CSMD1: variants seen among roughly 807,000 people sequenced by gnomAD.
The protein encoded by CSMD1 is CUB and sushi domain-containing protein 1.
CSMD1 carries 213 observed loss-of-function variants against 417.5 expected under a neutral mutation model. That is an observed-to-expected ratio of 0.51 (90% CI 0.46 to 0.57). The LOEUF is 0.57. Ranked by LOEUF, CSMD1 falls within the 20% of genes least tolerant of loss-of-function variation. The probability of loss-of-function intolerance (pLI) is 0.00; values close to 1 mark genes in which losing one functional copy is unlikely to be tolerated. For synonymous variants in CSMD1, 2,862 were observed against 1,736.8 expected (o/e 1.65, Z -16.11); for missense variants, 6,923 against 4,529.7 (o/e 1.53, Z -15.17).
In CSMD1 at chr8:4,663,219, C is replaced by A. The variant is rs374754207; in HGVS notation, c.86-25661G>T. 1.3e-3 allele frequency among the ~76,000 whole-genome samples: 202 copies of A among 152,268 alleles called. 2 individuals carry two copies. Among genetic ancestry groups the A allele is most frequent in the African/African-American group, 3.7e-3 (152 of 41,550 alleles). The stretch of plus-strand genomic sequence containing the variant: ...GCAAGACAAGCCTGAGACACATTAT[C>A]CCAGCCCGATTTTTACTGCTGACTT... On this transcript the variant is annotated intron_variant, in intron 1 of 69. Transcript: ENST00000635120.
chr8:3,897,643 T>A (rs919816361), intron 5 of CSMD1, among the ~76,000 whole-genome samples: 7 of 152,054 alleles, frequency 4.6e-5, no homozygotes, highest in African/African-American at 1.7e-4. Context: ...GTAACACAAA[T>A]TATCACCATA....
intron 7 of CSMD1, among the ~76,000 whole-genome samples, chr8:3,625,613 G>A (rs1043808273): frequency 4.0e-5 from 6 of 151,872 alleles, no homozygotes; most frequent in African/African-American, 1.5e-4. Context: ...ATACATTTCA[G>A]CTTCTAATGC....
intron 5 of CSMD1, among the ~76,000 whole-genome samples, chr8:3,972,821 T>G (rs1412327652): frequency 1.1e-4 from 16 of 152,192 alleles, no homozygotes; most frequent in Admixed American, 1.0e-3. Context: ...TTTTGGATAT[T>G]CACACATATC....
intron 49 of CSMD1, among the ~76,000 whole-genome samples, chr8:3,055,719 G>C (rs1052622227): frequency 2.0e-5 from 3 of 152,140 alleles, no homozygotes; most frequent in Non-Finnish European, 4.4e-5. Context: ...GTTGTACTAA[G>C]GTATTATTAT....
At chr8:3,815,633 T>C (rs1412178796) in intron 5 of CSMD1, among the ~76,000 whole-genome samples, 2 of 151,682 alleles carry the variant, frequency 1.3e-5, no homozygotes, top group African/African-American at 2.4e-5. Flanking sequence ...TTTCTTTTTT[T>C]TTTTTTTTAA....
chr8:3,012,079 G>A (rs1808432022), intron 52 of CSMD1, among the ~76,000 whole-genome samples: 1 of 152,134 alleles, frequency 6.6e-6, no homozygotes, highest in South Asian at 2.1e-4. Flanking sequence ...CTGAACTCTG[G>A]GAGATCCCAG....
chr8:3,995,222 T>C (rs532036249), intron 5 of CSMD1, among the ~76,000 whole-genome samples: 32 of 152,360 alleles, frequency 2.1e-4, no homozygotes, highest in Middle Eastern at 3.4e-3. Flanking sequence ...TGTGCTCCTG[T>C]AGGTTTCCAT....
intron 8 of CSMD1, among the ~76,000 whole-genome samples, chr8:3,610,191 T>G (rs1367449306): frequency 1.3e-5 from 2 of 152,100 alleles, no homozygotes; most frequent in Non-Finnish European, 2.9e-5. Context: ...AGCTTCCATA[T>G]GAATACAATG....
intron 3 of CSMD1, among the ~76,000 whole-genome samples, chr8:4,408,896 A>T (rs1453766438): frequency 1.3e-5 from 2 of 152,220 alleles, no homozygotes; most frequent in Admixed American, 6.5e-5. Flanking sequence ...TTGATAGTAA[A>T]CCATCAACTT....
intron 1 of CSMD1, among the ~76,000 whole-genome samples, chr8:4,674,006 G>A (rs1416825940): frequency 6.6e-6 from 1 of 152,108 alleles, no homozygotes; most frequent in Non-Finnish European, 1.5e-5. Context: ...CTATACAGAG[G>A]CAAATCTTAC....
At chr8:3,902,128 G>T (rs958632717) in intron 5 of CSMD1, among the ~76,000 whole-genome samples, 6 of 152,074 alleles carry the variant, frequency 3.9e-5, no homozygotes, top group Admixed American at 1.3e-4. Context: ...TAATATGACA[G>T]AAGTAACACA....
At chr8:4,622,166 G>C (rs1469848536) in intron 2 of CSMD1, among the ~76,000 whole-genome samples, 1 of 139,510 alleles carries the variant, frequency 7.2e-6, no homozygotes, top group East Asian at 2.1e-4. Flanking sequence ...GAGGGGTAAA[G>C]AGAATTAAAA....
intron 1 of CSMD1, among the ~76,000 whole-genome samples, chr8:4,869,328 T>C (rs1021276507): frequency 6.6e-6 from 1 of 152,056 alleles, no homozygotes; most frequent in African/African-American, 2.4e-5. Flanking sequence ...GTTGTGTCTG[T>C]AGGGAAACTG....
chr8:4,308,401 A>ATGTG (rs944010714), intron 3 of CSMD1, among the ~76,000 whole-genome samples: 1 of 150,400 alleles, frequency 6.6e-6, no homozygotes, highest in African/African-American at 2.5e-5. Flanking sequence ...GTATTCGTGC[A>ATGTG]TGTGTGTGTG....
intron 2 of CSMD1, among the ~76,000 whole-genome samples, chr8:4,613,038 G>A (rs979449479): frequency 9.9e-5 from 15 of 152,142 alleles, no homozygotes; most frequent in Non-Finnish European, 2.1e-4. Context: ...GGGGGCTAGA[G>A]GAACTTGTTT....
rs146817993 is a variant in CSMD1 at position 4,897,367 on chromosome 8, G to A, written c.85+96965C>T. Among the ~76,000 whole-genome samples, 1,416 of 152,038 alleles carry A rather than the reference G, an allele frequency of 9.3e-3. 38 individuals carry two copies. The highest frequency in any genetic ancestry group is 0.033 in the African/African-American group (1,376 of 41,386). ...TGTTTCTATAGGCCATGGGCGAGTG[G>A]GGTACCAATTCAATCCATTCAACAG... On this transcript the variant is annotated intron_variant, in intron 1 of 69. Transcript: ENST00000635120.
intron 3 of CSMD1, among the ~76,000 whole-genome samples, chr8:4,141,685 T>A (rs1803800748): frequency 6.6e-6 from 1 of 151,078 alleles, no homozygotes; most frequent in Non-Finnish European, 1.5e-5. Flanking sequence ...AGAAATTGCT[T>A]AAATTTTGGA....
At chr8:3,470,476 T>C (rs1585212013) in intron 11 of CSMD1, among the ~76,000 whole-genome samples, 1 of 152,192 alleles carries the variant, frequency 6.6e-6, no homozygotes, top group African/African-American at 2.4e-5. Flanking sequence ...AATCAGGACA[T>C]TGACATGGAT....
At chr8:3,017,612 C>T (rs1278692470) in intron 52 of CSMD1, among the ~76,000 whole-genome samples, 1 of 151,858 alleles carries the variant, frequency 6.6e-6, no homozygotes, top group African/African-American at 2.4e-5. Flanking sequence ...AGTGTGAGAA[C>T]CTCCTTTTGG....
Sources: gnomAD v4.1 joint callset for allele counts (sites outside exome capture counted in the v4.1 genomes callset) on GRCh38, gnomAD v4.1.1 for gene constraint, MANE v1.5 for transcripts, NCBI Gene and HGNC (gene_info 2026-07-23, HGNC 2026-07-21) for gene names.